ABCG8: variants seen among roughly 807,000 people sequenced by gnomAD.
ABCG8 encodes ATP binding cassette subfamily G member 8.
Under a neutral mutation model 71.3 loss-of-function variants are expected in ABCG8, and 81 were observed. The observed-to-expected ratio is 1.14, with a 90% CI of 0.95 to 1.37. The LOEUF is 1.37. ABCG8 is among the 40% of genes most tolerant of loss of function. The pLI, the probability that ABCG8 is intolerant of heterozygous loss-of-function variation, is 0.00. For missense variants in ABCG8, 1,119 were observed against 866.2 expected (o/e 1.29, Z -3.66); for synonymous variants, 451 against 354.7 (o/e 1.27, Z -3.05).
Position 43,878,695 on chromosome 2 carries a change from A to C in ABCG8, c.*782A>C. The C allele has an allele frequency of 6.5e-6, 1 of 153,274 alleles. No individual in the cohort carries two copies. The highest frequency in any genetic ancestry group is 1.9e-4 in the East Asian group (1 of 5,184). 9.5% of individuals were successfully genotyped at this position (153,274 alleles called of 1,614,324 possible). A position where few individuals can be genotyped will look rare whatever the true frequency, so the allele number is the denominator to read the frequency against. On this transcript the variant is annotated 3_prime_UTR_variant, in exon 13 of 13. Transcript: ENST00000272286. ...AGCCTTAGGAGTTTAGGAAGGCTCC[A>C]GAAGACAAATGGGGTCTGTAGAGGC... is the stretch of plus-strand genomic sequence containing the variant.
Position 43,878,153 on chromosome 2 carries a change from T to C in ABCG8, c.*240T>C. The C allele has an allele frequency of 1.7e-6, 1 of 590,356 alleles. No homozygotes were observed. The highest frequency in any genetic ancestry group is 3.0e-6 in the Non-Finnish European group (1 of 332,832). 36.6% of individuals were successfully genotyped at this position (590,356 alleles called of 1,614,324 possible). A position where few individuals can be genotyped will look rare whatever the true frequency, so the allele number is the denominator to read the frequency against. ...GCGATGACTGGGAGAAAACCTGCAC[T>C]CGGTGGCACCTACAACGTTGCTAAT... On this transcript the variant is annotated 3_prime_UTR_variant, in exon 13 of 13. Coordinates refer to ENST00000272286, the MANE Select transcript of ABCG8 (RefSeq NM_022437.3).
Position 43,878,185 on chromosome 2 carries a change from C to A in ABCG8, c.*272C>A. 3 of 503,230 alleles carry A rather than the reference C, an allele frequency of 6.0e-6. No individual in the cohort carries two copies. Among genetic ancestry groups the A allele is most frequent in the East Asian group, 3.8e-5 (1 of 26,140 alleles). The allele number at this position is 503,230 out of a possible 1,614,324, so 31.2% of individuals were successfully genotyped here. A position where few individuals can be genotyped will look rare whatever the true frequency, so the allele number is the denominator to read the frequency against. ...CACCTACAACGTTGCTAATTTATTTCCTTTTGATATGCATTTATATAGGCA... is the reference window on the plus strand; with the variant it reads ...CACCTACAACGTTGCTAATTTATTTACTTTTGATATGCATTTATATAGGCA... On this transcript the variant is annotated 3_prime_UTR_variant, in exon 13 of 13. Transcript: ENST00000272286.
chr2:43,861,026 C>G lies in ABCG8; in HGVS notation c.964+8158C>G, dbSNP rs76661559. Among the ~76,000 whole-genome samples the G allele has an allele frequency of 8.6e-3, 1,306 of 151,506 alleles. 24 individuals are homozygous for G. Among genetic ancestry groups the G allele is most frequent in the African/African-American group, 0.03 (1,240 of 41,468 alleles). ...TCTCACCATCTGGTTAGAATTATCA[C>G]TATCTATCGGGATAGAATTCTCACT... On this transcript the variant is annotated intron_variant, in intron 6 of 12. Coordinates refer to ENST00000272286, the MANE Select transcript of ABCG8 (RefSeq NM_022437.3).
intron 6 of ABCG8, among the ~76,000 whole-genome samples, chr2:43,867,532 C>T (rs1422933997): frequency 6.7e-6 from 1 of 148,674 alleles, no homozygotes; most frequent in Non-Finnish European, 1.5e-5. Flanking sequence ...GAATTGTCAC[C>T]ATCTGCATGG....
At chr2:43,854,856 C>G (rs967395811) in intron 6 of ABCG8, among the ~76,000 whole-genome samples, 1 of 152,142 alleles carries the variant, frequency 6.6e-6, no homozygotes, top group Admixed American at 6.5e-5. Flanking sequence ...TGCAAGAGGA[C>G]AGCTGTGGTG....
chr2:43,855,402 G>A (rs554842127), intron 6 of ABCG8, among the ~76,000 whole-genome samples: 18 of 149,662 alleles, frequency 1.2e-4, no homozygotes, highest in African/African-American at 4.4e-4. Flanking sequence ...TTCTCACTCT[G>A]GGGACAGAAC....
At chr2:43,847,656 G>C (rs925049675) in intron 3 of ABCG8, 2 of 152,054 alleles carry the variant, frequency 1.3e-5, no homozygotes, top group African/African-American at 4.8e-5. Flanking sequence ...GCAGTGAGTC[G>C]AGATCGCGCC....
In ABCG8 at chr2:43,875,244, G is replaced by A; in HGVS notation, c.1587G>A (p.Leu529=). 6.2e-7 allele frequency: 1 copy of A among 1,614,226 alleles called. No homozygotes were observed. The change falls in exon 11 of 13, where the codon CTG becomes CTA. Residue 529 remains leucine (L), a synonymous_variant. Transcript: ENST00000272286. ...TGAGGCCAGGCCTCCAGCCCTTCCT[G>A]CTGCACTTCCTGCTGGTGTGGCTGG... ...ANLRPGLQPF[L]LHFLLVWLVV...
intron 1 of ABCG8, 39 bp downstream of exon 1, chr2:43,839,155 C>T (rs112771276): frequency 2.9e-5 from 45 of 1,547,250 alleles, no homozygotes; most frequent in African/African-American, 2.7e-4. Context: ...GCCTGGTGGG[C>T]GGGTAGGAGA....
Position 43,873,940 on chromosome 2 carries a change from C to T in ABCG8, c.1365C>T (p.Ile455=), listed in dbSNP as rs115227860. The stretch of plus-strand genomic sequence containing the variant: ...ATACAGCCGCCCTCTTGTTCATGAT[C>T]GGTGCTCTCATCCCTTTCAACGTCA... ...FMDTAALLFM[I]GALIPFNVIL... The change falls in exon 9 of 13, where the codon ATC becomes ATT. Residue 455 remains isoleucine (I), a synonymous_variant. Transcript: ENST00000272286. 1.3e-3 allele frequency: 2,028 copies of T among 1,614,082 alleles called. 21 individuals are homozygous for T. The African/African-American group carries it at 0.023, about 18-fold the overall frequency.
chr2:43,845,744 C>A (rs1668723630), intron 2 of ABCG8, among the ~76,000 whole-genome samples: 1 of 152,086 alleles, frequency 6.6e-6, no homozygotes, highest in Non-Finnish European at 1.5e-5. Context: ...GCCTCAGCCT[C>A]CCAAGTAGCT....
intron 6 of ABCG8, among the ~76,000 whole-genome samples, chr2:43,860,242 C>A (rs1454806624): frequency 6.6e-6 from 1 of 150,872 alleles, no homozygotes; most frequent in African/African-American, 2.4e-5. Flanking sequence ...GTAGAATTCT[C>A]ATGATCTGGA....
chr2:43,873,695 GA>G, intron 8 of ABCG8, 91 bp from the exon 9 acceptor site: 2 of 1,362,442 alleles, frequency 1.5e-6, no homozygotes, highest in Non-Finnish European at 2.1e-6. Flanking sequence ...TTGCATAGGA[GA>G]AAAATGAGGC....
rs1342201395 is a variant in ABCG8 at position 43,873,870 on chromosome 2, GC to G, written c.1296del (p.Phe433SerfsTer22). ...AEACLMSMTI[G>X]FLYFGHGSIQ... is the part of the protein sequence containing the mutation. The stretch of plus-strand genomic sequence containing the variant: ...GCCTGTCTGATGTCAATGACCATCG[GC>G]TTCCTCTATTTTGGCCATGGGAGCA... On this transcript the variant is annotated frameshift_variant, in exon 9 of 13. Coordinates refer to ENST00000272286, the MANE Select transcript of ABCG8 (RefSeq NM_022437.3). LOFTEE classifies it high-confidence loss of function. 6.2e-7 allele frequency: 1 copy of G among 1,613,970 alleles called. No individual in the cohort carries two copies.
intron 1 of ABCG8, among the ~76,000 whole-genome samples, chr2:43,842,730 C>G (rs1360060600): frequency 2.0e-5 from 3 of 152,060 alleles, no homozygotes; most frequent in Non-Finnish European, 4.4e-5. Flanking sequence ...TCATCTCTCC[C>G]CGCTCCCCAG....
rs371331256 is a variant in ABCG8 at position 43,873,746 on chromosome 2, G to A, written c.1212-41G>A. On this transcript the variant is annotated intron_variant, in intron 8 of 12. Coordinates refer to ENST00000272286, the MANE Select transcript of ABCG8 (RefSeq NM_022437.3). ...ACATTCCCAGGGTCACGGGGCTGGT[G>A]TATGCTGTTGCCTCAGCATCTCTTC... The A allele has an allele frequency of 9.1e-4, 1,441 of 1,589,016 alleles. 1 individual carries two copies. The highest frequency in any genetic ancestry group is 1.2e-3 in the Non-Finnish European group (1,377 of 1,157,614).
intron 8 of ABCG8, among the ~76,000 whole-genome samples, chr2:43,873,149 C>G (rs1448723144): frequency 6.6e-6 from 1 of 151,742 alleles, no homozygotes; most frequent in Non-Finnish European, 1.5e-5. Context: ...CAGGCTTTTG[C>G]TACTACAAGC....
chr2:43,844,058 C>T (rs536300190), intron 1 of ABCG8, among the ~76,000 whole-genome samples: 2 of 152,320 alleles, frequency 1.3e-5, no homozygotes, highest in East Asian at 3.9e-4. Flanking sequence ...CTCTCACATG[C>T]TGCAAGTGTC....
chr2:43,877,683 GAT>G lies in ABCG8; in HGVS notation c.1881_1882del (p.Asp627GlufsTer104). On this transcript the variant is annotated frameshift_variant, in exon 12 of 13. Transcript: ENST00000272286. LOFTEE classifies it high-confidence loss of function. Reference sequence around the variant, plus strand: ...GAACCTCACCATCGCGGTCTCAGGAGATAAAGTAAGCGGGGAAGGCCTCGGGT... The same window carrying G: ...GAACCTCACCATCGCGGTCTCAGGAGAAAGTAAGCGGGGAAGGCCTCGGGT... Reference protein sequence around the residue: ...LGNLTIAVSGDKILSVMELDS... With the variant: ...LGNLTIAVSGXKILSVMELDS... 1 of 1,614,094 alleles carries G rather than the reference GAT, an allele frequency of 6.2e-7. No homozygotes were observed. The highest frequency in any genetic ancestry group is 1.3e-5 in the African/African-American group (1 of 74,986).
Sources: gnomAD v4.1 joint callset for allele counts (sites outside exome capture counted in the v4.1 genomes callset) on GRCh38, gnomAD v4.1.1 for gene constraint, MANE v1.5 for transcripts, NCBI Gene and HGNC (gene_info 2026-07-23, HGNC 2026-07-21) for gene names.